FCHO2: variants seen among roughly 807,000 people sequenced by gnomAD.
FCHO2 encodes the protein FCH and mu domain containing endocytic adaptor 2.
Under a neutral mutation model 114.1 loss-of-function variants are expected in FCHO2, and 43 were observed. The ratio of observed to expected loss-of-function variants is 0.38; its 90% CI spans 0.30 to 0.49. The LOEUF (loss-of-function observed/expected upper bound fraction) is 0.49, where lower values mean the gene tolerates loss of function less well. FCHO2 is among the 20% of genes least tolerant of loss of function. The pLI is 0.97. For synonymous variants in FCHO2, 293 were observed against 315.2 expected (o/e 0.93, Z 0.75); for missense variants, 807 against 950.4 (o/e 0.85, Z 1.98).
chr5:72,975,890 G>GT (rs1384497253), intron 2 of FCHO2, among the ~76,000 whole-genome samples: 7 of 152,118 alleles, frequency 4.6e-5, no homozygotes, highest in African/African-American at 1.7e-4. Flanking sequence ...GGACATCTTG[G>GT]TTGCTTCCAA....
chr5:72,956,419 C>T (rs768305928), intron 1 of FCHO2, among the ~76,000 whole-genome samples: 1 of 151,682 alleles, frequency 6.6e-6, no homozygotes, highest in Non-Finnish European at 1.5e-5. Flanking sequence ...GGAGACGGGA[C>T]CCAGCCCCAC....
rs974927228 is a variant in FCHO2 at position 73,089,479 on chromosome 5, A to G, written c.*1389A>G. On this transcript the variant is annotated 3_prime_UTR_variant, in exon 26 of 26. Transcript: ENST00000430046. ...AAATAGGGAAATTATTTGAAGTGAT[A>G]TATTTGGTTAAACATTTCTAAAAAT... 3.9e-5 allele frequency: 6 copies of G among 152,270 alleles called. No homozygotes were observed. Among genetic ancestry groups the G allele is most frequent in the African/African-American group, 1.4e-4 (6 of 41,462 alleles). 9.4% of individuals were successfully genotyped at this position (152,270 alleles called of 1,614,324 possible).
Position 72,989,412 on chromosome 5 carries a change from T to C in FCHO2, c.126-15T>C. Reference sequence around the variant, plus strand: ...TAAATAAGAAGTATTATGATGTGGATATTTGATTTAACAGAGCTACCATAG... The same window carrying C: ...TAAATAAGAAGTATTATGATGTGGACATTTGATTTAACAGAGCTACCATAG... On this transcript the variant is annotated splice_polypyrimidine_tract_variant and intron_variant, in intron 2 of 25. Coordinates refer to ENST00000430046, the MANE Select transcript of FCHO2 (RefSeq NM_138782.3). 6.3e-7 allele frequency: 1 copy of C among 1,588,366 alleles called. No homozygotes were observed. The highest frequency in any genetic ancestry group is 8.6e-7 in the Non-Finnish European group (1 of 1,163,706).
At chr5:73,012,142 A>G (rs1454076848) in intron 6 of FCHO2, among the ~76,000 whole-genome samples, 1 of 152,226 alleles carries the variant, frequency 6.6e-6, no homozygotes, top group Non-Finnish European at 1.5e-5. Context: ...CAGGCAGCAC[A>G]GTAGGTTTGT....
chr5:73,064,580 C>T (rs984659342), intron 18 of FCHO2, among the ~76,000 whole-genome samples: 1 of 152,010 alleles, frequency 6.6e-6, no homozygotes, highest in South Asian at 2.1e-4. Context: ...AATCTTTTTT[C>T]CCTTGATACA....
intron 11 of FCHO2, among the ~76,000 whole-genome samples, chr5:73,045,590 A>G (rs970007897): frequency 4.6e-5 from 7 of 152,218 alleles, no homozygotes; most frequent in Admixed American, 1.3e-4. Flanking sequence ...GTGTGGACAT[A>G]ATGTTCCTCT....
chr5:73,027,440 G>GT (rs776446366), intron 8 of FCHO2, among the ~76,000 whole-genome samples: 16 of 150,404 alleles, frequency 1.1e-4, no homozygotes, highest in Non-Finnish European at 2.1e-4. Context: ...CCAAATTTTG[G>GT]TTTTTTATGT....
In FCHO2 at chr5:72,977,243, C is replaced by T. The variant is rs574510176; in HGVS notation, c.125+8654C>T. 3.3e-5 allele frequency among the ~76,000 whole-genome samples: 5 copies of T among 152,302 alleles called. No individual in the cohort carries two copies. The East Asian group carries it at 9.6e-4, about 29-fold the overall frequency. On this transcript the variant is annotated intron_variant, in intron 2 of 25. Coordinates refer to ENST00000430046, the MANE Select transcript of FCHO2 (RefSeq NM_138782.3). ...TTGAACTAATTTACACTCCCACCAG[C>T]AGTGTAAAAGCATTCCTGTTTCTCC... is the stretch of plus-strand genomic sequence containing the variant.
In FCHO2 at chr5:73,090,242, G is replaced by A. The variant is rs1256273795; in HGVS notation, c.*2152G>A. On this transcript the variant is annotated 3_prime_UTR_variant, in exon 26 of 26. Transcript: ENST00000430046. ...TTTTCCATTTAAAAATCCACTAATG[G>A]TGTAAAAGAGACCAGTAGATTTTCA... 1 of 152,322 alleles carries A rather than the reference G, an allele frequency of 6.6e-6. No individual in the cohort carries two copies. Among genetic ancestry groups the A allele is most frequent in the Non-Finnish European group, 1.5e-5 (1 of 67,964 alleles). The allele number at this position is 152,322 out of a possible 1,614,324, so 9.4% of individuals were successfully genotyped here.
intron 2 of FCHO2, among the ~76,000 whole-genome samples, chr5:72,970,680 C>A (rs984451176): frequency 6.6e-6 from 1 of 151,614 alleles, no homozygotes; most frequent in East Asian, 1.9e-4. Context: ...ATTTTTCTTT[C>A]TTTTTCTTTT....
At position 73,029,128 on chromosome 5, in the gene FCHO2, A is replaced by C. The variant is rs116135895; in HGVS notation, c.797-5529A>C. ...AATGTCAAAATTCATTAAACTGTAC[A>C]ATTTAAGTAGATGTAGTTTATCATA... On this transcript the variant is annotated intron_variant, in intron 8 of 25. Coordinates refer to ENST00000430046, the MANE Select transcript of FCHO2 (RefSeq NM_138782.3). Among the ~76,000 whole-genome samples the C allele has an allele frequency of 3.2e-3, 487 of 152,308 alleles. 2 individuals carry two copies. The Middle Eastern group carries it at 0.034, about 11-fold the overall frequency.
intron 11 of FCHO2, among the ~76,000 whole-genome samples, chr5:73,043,527 A>G (rs1483039175): frequency 6.6e-6 from 1 of 151,978 alleles, no homozygotes; most frequent in African/African-American, 2.4e-5. Context: ...TCATGCATAT[A>G]TAGAAAGTGA....
At chr5:73,065,648 A>G (rs940015792) in intron 18 of FCHO2, among the ~76,000 whole-genome samples, 4 of 152,090 alleles carry the variant, frequency 2.6e-5, no homozygotes, top group Non-Finnish European at 5.9e-5. Flanking sequence ...TTAATTGTAT[A>G]GGCATATTTT....
At chr5:73,074,960 A>G (rs779922736) in intron 20 of FCHO2, 107 bp downstream of exon 20, 462 of 881,628 alleles carry the variant, frequency 5.2e-4, no homozygotes, top group Non-Finnish European at 6.2e-4. Context: ...TTCTGTGTAG[A>G]TTACAGTTTT....
At position 73,089,742 on chromosome 5, in the gene FCHO2, T is replaced by C. The variant is rs1043603563; in HGVS notation, c.*1652T>C. On this transcript the variant is annotated 3_prime_UTR_variant, in exon 26 of 26. Transcript: ENST00000430046. The stretch of plus-strand genomic sequence containing the variant: ...TCACAGAAAATAAAACCTCTATTAC[T>C]AGACATTTATGTAACATCTTGCTGT... 1 of 152,556 alleles carries C rather than the reference T, an allele frequency of 6.6e-6. No individual in the cohort carries two copies. Among genetic ancestry groups the C allele is most frequent in the Non-Finnish European group, 1.5e-5 (1 of 67,934 alleles). The allele number at this position is 152,556 out of a possible 1,614,324, so 9.5% of individuals were successfully genotyped here. A position where few individuals can be genotyped will look rare whatever the true frequency, so the allele number is the denominator to read the frequency against.
chr5:72,991,623 T>C (rs1753817440), intron 5 of FCHO2, among the ~76,000 whole-genome samples: 1 of 152,246 alleles, frequency 6.6e-6, no homozygotes, highest in African/African-American at 2.4e-5. Flanking sequence ...TATGTTTTAA[T>C]GGAAAGTAGC....
At chr5:72,974,229 C>T (rs1752733665) in intron 2 of FCHO2, among the ~76,000 whole-genome samples, 1 of 140,268 alleles carries the variant, frequency 7.1e-6, no homozygotes, top group Non-Finnish European at 1.6e-5. Flanking sequence ...CCACTTGGTG[C>T]AGAGCTGAGT....
At chr5:73,031,694 T>C (rs1258254373) in intron 8 of FCHO2, among the ~76,000 whole-genome samples, 1 of 152,242 alleles carries the variant, frequency 6.6e-6, no homozygotes, top group Non-Finnish European at 1.5e-5. Context: ...AGAATTGTTT[T>C]GCTTTGAATC....
intron 18 of FCHO2, 117 bp from the exon 19 acceptor site, chr5:73,068,533 A>C (rs1423945315): frequency 4.0e-6 from 4 of 1,011,616 alleles, no homozygotes; most frequent in African/African-American, 3.3e-5. Context: ...ACTAAGTTAC[A>C]AGAAACTCAC....
Sources: gnomAD v4.1 joint callset for allele counts (sites outside exome capture counted in the v4.1 genomes callset) on GRCh38, gnomAD v4.1.1 for gene constraint, MANE v1.5 for transcripts, NCBI Gene and HGNC (gene_info 2026-07-23, HGNC 2026-07-21) for gene names.